Variants in INTS12 observed in about 807,000 individuals in gnomAD.
INTS12 encodes the protein PHD finger protein 22.
In INTS12, 13 loss-of-function variants were observed where a neutral mutation model predicts 41.6. The ratio of observed to expected loss-of-function variants is 0.31; its 90% CI spans 0.20 to 0.50. The LOEUF is 0.50. Among genes scored for constraint, INTS12 ranks in the 20% least tolerant of loss-of-function variants. The probability of loss-of-function intolerance (pLI) is 0.98; values close to 1 mark genes in which losing one functional copy is unlikely to be tolerated. For synonymous variants in INTS12, 199 were observed against 191.4 expected, an observed-to-expected ratio of 1.04 and a Z score of -0.33; for missense variants, 432 against 541.6, an observed-to-expected ratio of 0.80 and a Z score of 2.01.
intron 3 of INTS12, among the ~76,000 whole-genome samples, chr4:105,696,764 C>G (rs1353068257): frequency 6.6e-6 from 1 of 152,084 alleles, no homozygotes; most frequent in Admixed American, 6.6e-5. Flanking sequence ...TGCTTAATTA[C>G]TTGAGAAACT....
rs796806990 is a variant in INTS12 at position 105,693,362 on chromosome 4, C to G, written c.434G>C (p.Ser145Thr). 4 of 1,613,976 alleles carry G rather than the reference C, an allele frequency of 2.5e-6. No homozygotes were observed. In the African/African-American group the frequency reaches 5.3e-5, roughly 22 times the overall value. Residue 145 changes from serine (S) to threonine (T), a missense_variant, in exon 5 of 8, where the codon AGT (serine) becomes ACT (threonine). Physicochemically the swap from Ser to Thr is moderately conservative, Grantham distance 58 (BLOSUM62 1). Around this residue, in one of 3 missense-constraint regions of INTS12, gnomAD observed 168 missense variants for 198.9 expected, o/e 0.84. Coordinates refer to ENST00000340139, the MANE Select transcript of INTS12 (RefSeq NM_020395.4). ...ATCATCAGCACTGGTCTCCTCAAAA[C>G]TGGAAAGGTCAGCCATAGGTAAATC... is the stretch of plus-strand genomic sequence containing the variant. Reference protein sequence around the residue: ...SKDLPMADLSSFEETSADDFA... With the variant: ...SKDLPMADLSTFEETSADDFA...
At chr4:105,693,167 A>G in intron 5 of INTS12, 132 bp downstream of exon 5, 2 of 591,010 alleles carry the variant, frequency 3.4e-6, no homozygotes, top group East Asian at 5.7e-5. Flanking sequence ...ACTTATCTCC[A>G]CCCCAGTTCC....
At chr4:105,700,151 T>TCACAAAAAAATC in intron 2 of INTS12, 137 bp from the exon 3 acceptor site, 2 of 502,238 alleles carry the variant, frequency 4.0e-6, no homozygotes, top group African/African-American at 4.0e-5. Flanking sequence ...AAAAAGTTAT[T>TCACAAAAAAATC]ACAAATAAAA....
chr4:105,702,339 T>C (rs1560782258), intron 2 of INTS12, among the ~76,000 whole-genome samples: 1 of 152,030 alleles, frequency 6.6e-6, no homozygotes, highest in Non-Finnish European at 1.5e-5. Flanking sequence ...GGTTTCATCA[T>C]GTTAGCCAGG....
intron 6 of INTS12, among the ~76,000 whole-genome samples, chr4:105,688,768 T>C (rs1051119366): frequency 5.9e-5 from 9 of 152,212 alleles, no homozygotes; most frequent in African/African-American, 2.2e-4. Flanking sequence ...AAAGACTAAT[T>C]ATGATGAAGC....
chr4:105,692,271 G>A, intron 5 of INTS12, 136 bp from the exon 6 acceptor site: 1 of 749,226 alleles, frequency 1.3e-6, no homozygotes, highest in South Asian at 1.8e-5. Flanking sequence ...ATCATTTGAA[G>A]TCAGGAGTTC....
chr4:105,688,896 T>C (rs1731583545), intron 6 of INTS12, among the ~76,000 whole-genome samples: 1 of 152,258 alleles, frequency 6.6e-6, no homozygotes, highest in South Asian at 2.1e-4. Context: ...TTACTGGTAA[T>C]ACTAGTTTAG....
chr4:105,690,501 T>C (rs1020841355), intron 6 of INTS12, among the ~76,000 whole-genome samples: 5 of 151,890 alleles, frequency 3.3e-5, no homozygotes, highest in African/African-American at 1.2e-4. Context: ...CAATGGGATA[T>C]GGAATTAAAA....
chr4:105,707,838 C>T, intron 1 of INTS12: 2 of 436,906 alleles, frequency 4.6e-6, no homozygotes, highest in South Asian at 1.9e-4. Context: ...TATAAGGCTT[C>T]TGTGATCTCT....
intron 2 of INTS12, among the ~76,000 whole-genome samples, chr4:105,700,773 A>G (rs1311736997): frequency 6.8e-6 from 1 of 147,992 alleles, no homozygotes; most frequent in Non-Finnish European, 1.5e-5. Flanking sequence ...TGTCCTAAAG[A>G]GCTTAAAAAA....
In INTS12 at chr4:105,683,188, A is replaced by G. The variant is rs745420681; in HGVS notation, c.934T>C (p.Ser312Pro). The G allele has an allele frequency of 8.1e-6, 13 of 1,613,980 alleles. No homozygotes were observed. The highest frequency in any genetic ancestry group is 1.1e-5 in the Non-Finnish European group (13 of 1,179,992). The change falls in exon 8 of 8, where the codon TCA becomes CCA. Residue 312 changes from serine (S) to proline (P), a missense_variant. Ser to Pro is a moderately conservative substitution (Grantham distance 74). Around this residue, in one of 3 missense-constraint regions of INTS12, gnomAD observed 258 missense variants for 309.9 expected, o/e 0.83. Transcript: ENST00000340139. ...TTCCCAGTATTGTTTTGTGTTGTTG[A>G]ACTCAATTTTGCTGTTGAAGGACCA... ...SAGPSTAKLS[S>P]TTQNNTGKPA...
chr4:105,692,173 T>A (rs1731712694), intron 5 of INTS12, 38 bp from the exon 6 acceptor site: 5 of 1,579,348 alleles, frequency 3.2e-6, no homozygotes, highest in Non-Finnish European at 4.3e-6. Context: ...ACTACTTTTT[T>A]AAATGCCATA....
intron 2 of INTS12, among the ~76,000 whole-genome samples, chr4:105,702,488 A>G (rs912051957): frequency 2.0e-5 from 3 of 152,154 alleles, no homozygotes; most frequent in Non-Finnish European, 2.9e-5. Flanking sequence ...ATACAGAGTG[A>G]TAATAGTGTG....
chr4:105,705,080 G>A (rs1346139351), intron 1 of INTS12, among the ~76,000 whole-genome samples: 1 of 152,102 alleles, frequency 6.6e-6, no homozygotes, highest in Non-Finnish European at 1.5e-5. Context: ...CTACATCAGG[G>A]GTCCCTAACC....
intron 5 of INTS12, 42 bp from the exon 6 acceptor site, chr4:105,692,177 T>C (rs1247766250): frequency 6.3e-7 from 1 of 1,574,856 alleles, no homozygotes; most frequent in African/African-American, 1.4e-5. Flanking sequence ...CTTTTTTAAA[T>C]GCCATAATTT....
chr4:105,697,206 A>G (rs1420890482), intron 3 of INTS12, among the ~76,000 whole-genome samples: 1 of 152,226 alleles, frequency 6.6e-6, no homozygotes, highest in African/African-American at 2.4e-5. Flanking sequence ...TTGCTGATAT[A>G]GATAACTTGT....
intron 1 of INTS12, chr4:105,708,137 G>A (rs1560785791): frequency 3.0e-6 from 3 of 985,248 alleles, no homozygotes; most frequent in South Asian, 4.7e-5. Flanking sequence ...TCTTGGTTCT[G>A]GATAACACTG....
intron 6 of INTS12, 30 bp from the exon 7 acceptor site, chr4:105,686,868 CA>C (rs1731515204): frequency 6.2e-7 from 1 of 1,602,154 alleles, no homozygotes; most frequent in Admixed American, 1.7e-5. Context: ...AAATCAGATA[CA>C]AAATCTTAAC....
rs767776705 is a variant in INTS12, at chr4:105,683,309, T to C, written c.813A>G (p.Thr271=). The change falls in exon 8 of 8, where the codon ACA becomes ACG. Residue 271 remains threonine (T), a synonymous_variant. Transcript: ENST00000340139. ...CACTAGAAGAATTTCCTGAAATAACTGTGGATGTCTAAAAAAATAAAGTAA... is the reference window on the plus strand; with the variant it reads ...CACTAGAAGAATTTCCTGAAATAACCGTGGATGTCTAAAAAAATAAAGTAA... The part of the protein sequence containing the change: ...AFKRTEVKTS[T]VISGNSSSAS... 2.8e-5 allele frequency: 45 copies of C among 1,604,680 alleles called. No homozygotes were observed. Among genetic ancestry groups the C allele is most frequent in the Non-Finnish European group, 3.7e-5 (44 of 1,175,378 alleles).
Sources: allele counts gnomAD v4.1 joint callset (sites outside exome capture counted in the v4.1 genomes callset), GRCh38; gene constraint gnomAD v4.1.1; regional missense constraint gnomAD v4.1.1; transcripts MANE v1.5; gene names NCBI Gene and HGNC (gene_info 2026-07-23, HGNC 2026-07-21).